MEGF11: variants seen among roughly 807,000 people sequenced by gnomAD.
MEGF11 encodes the protein multiple EGF like domains 11.
MEGF11 carries 126 observed loss-of-function variants against 146.6 expected under a neutral mutation model. That is an observed-to-expected ratio of 0.86 (90% CI 0.74 to 1.00). The LOEUF (loss-of-function observed/expected upper bound fraction) is 1.00. MEGF11 is among the 50% of genes least tolerant of loss of function. The pLI is 0.00. For synonymous variants in MEGF11, 532 were observed against 583.4 expected (o/e 0.91, Z 1.27); for missense variants, 1,509 against 1,521.2 (o/e 0.99, Z 0.13).
chr15:66,128,439 T>A (rs1170761869), intron 1 of MEGF11, 28 bp from the exon 2 acceptor site: 7 of 1,344,686 alleles, frequency 5.2e-6, no homozygotes, highest in Non-Finnish European at 6.9e-6. Flanking sequence ...GGAGGCTGCG[T>A]CTGTGATCAG....
chr15:66,251,960 G>A (rs2092377126), intron 1 of MEGF11, among the ~76,000 whole-genome samples: 1 of 152,238 alleles, frequency 6.6e-6, no homozygotes, highest in Non-Finnish European at 1.5e-5. Context: ...CGCCCTCGGG[G>A]CACCCCGCCC....
chr15:66,041,943 T>C (rs947667547), intron 5 of MEGF11, among the ~76,000 whole-genome samples: 1 of 152,024 alleles, frequency 6.6e-6, no homozygotes, highest in African/African-American at 2.4e-5. Flanking sequence ...AAAAACCAAA[T>C]CATCCTGCCT....
intron 5 of MEGF11, among the ~76,000 whole-genome samples, chr15:66,052,022 G>C (rs2084467327): frequency 6.6e-6 from 1 of 152,178 alleles, no homozygotes; most frequent in African/African-American, 2.4e-5. Flanking sequence ...CACAAAAATA[G>C]ATTTGGAGAA....
At chr15:66,002,068 T>C (rs1210012144) in intron 5 of MEGF11, among the ~76,000 whole-genome samples, 1 of 151,924 alleles carries the variant, frequency 6.6e-6, no homozygotes, top group African/African-American at 2.4e-5. Flanking sequence ...AGGAAGTTGT[T>C]GGGGATTGGG....
intron 5 of MEGF11, among the ~76,000 whole-genome samples, chr15:66,063,556 C>T (rs1365713275): frequency 6.6e-6 from 1 of 152,204 alleles, no homozygotes; most frequent in Non-Finnish European, 1.5e-5. Context: ...AACCATGCTG[C>T]AGGAGCACCT....
At chr15:66,165,360 G>C (rs1054194882) in intron 1 of MEGF11, among the ~76,000 whole-genome samples, 2 of 152,296 alleles carry the variant, frequency 1.3e-5, no homozygotes, top group Non-Finnish European at 2.9e-5. Flanking sequence ...TACACATGAA[G>C]TCCCTGATAT....
chr15:66,044,875 A>AAAG (rs1567215919), intron 5 of MEGF11, among the ~76,000 whole-genome samples: 1 of 134,586 alleles, frequency 7.4e-6, no homozygotes, highest in Non-Finnish European at 1.6e-5. Context: ...AAAAAAAAAA[A>AAAG]AAAAAGAAAT....
intron 3 of MEGF11, among the ~76,000 whole-genome samples, chr15:66,121,675 G>A (rs1365203461): frequency 2.0e-5 from 3 of 152,250 alleles, no homozygotes; most frequent in Non-Finnish European, 4.4e-5. Flanking sequence ...CAGGTGAAAG[G>A]GGAAACCTTA....
intron 5 of MEGF11, among the ~76,000 whole-genome samples, chr15:66,087,640 C>T (rs1382197085): frequency 6.6e-6 from 1 of 152,118 alleles, no homozygotes; most frequent in Non-Finnish European, 1.5e-5. Flanking sequence ...ATGACACAAC[C>T]TATCAAAACC....
chr15:66,237,759 G>A (rs1195732479), intron 1 of MEGF11, among the ~76,000 whole-genome samples: 2 of 152,280 alleles, frequency 1.3e-5, no homozygotes, highest in East Asian at 3.9e-4. Context: ...TGCCTCCACC[G>A]CCCCTTCCCA....
At chr15:66,228,787 A>G (rs899923555) in intron 1 of MEGF11, among the ~76,000 whole-genome samples, 74 of 152,112 alleles carry the variant, frequency 4.9e-4, no homozygotes, top group African/African-American at 1.7e-3. Context: ...GCTTTATGAG[A>G]GGAGGCCCCC....
intron 1 of MEGF11, among the ~76,000 whole-genome samples, chr15:66,252,813 A>G (rs2092394806): frequency 6.6e-6 from 1 of 152,158 alleles, no homozygotes; most frequent in Admixed American, 6.5e-5. Flanking sequence ...CACCTCCAAC[A>G]CTACCGCCCA....
intron 5 of MEGF11, among the ~76,000 whole-genome samples, chr15:66,060,506 T>C (rs1487560806): frequency 6.6e-6 from 1 of 152,234 alleles, no homozygotes; most frequent in Non-Finnish European, 1.5e-5. Flanking sequence ...CCGAGGGATG[T>C]AGCCTTCTCC....
chr15:65,922,140 G>C (rs904898666), intron 15 of MEGF11, 198 bp downstream of exon 15: 3 of 613,124 alleles, frequency 4.9e-6, no homozygotes, highest in Admixed American at 6.8e-5. Context: ...TTTCACTTCT[G>C]TGAGGCTGTT....
rs1383695790 is a variant in MEGF11 at position 65,956,977 on chromosome 15, A to AT, written c.1287+569dup. Among the ~76,000 whole-genome samples the AT allele has an allele frequency of 4.6e-5, 7 of 152,316 alleles. No individual in the cohort carries two copies. The East Asian group carries it at 1.3e-3, about 29-fold the overall frequency. On this transcript the variant is annotated intron_variant, in intron 10 of 25. Coordinates refer to ENST00000395614, the MANE Select transcript of MEGF11 (RefSeq NM_001385028.1). ...AACATCCATCAAGAGCCGTAAATAT[A>AT]TTATGCCCACTGACCCTGGGAATTC...
rs1412353042 is a variant in MEGF11 at position 65,898,827 on chromosome 15, C to T, written c.3163G>A (p.Glu1055Lys). ...DPPILTCKLPESSYVEMKSPV... is the reference protein window; with the variant it reads ...DPPILTCKLPKSSYVEMKSPV... ...GACTTCATTTCTACATAGCTGCTTTCTGGAAGCTTGCAGGTGAGGATGGGT... is the reference window on the plus strand; with the variant it reads ...GACTTCATTTCTACATAGCTGCTTTTTGGAAGCTTGCAGGTGAGGATGGGT... The change falls in exon 25 of 26, where the codon GAA becomes AAA. Residue 1055 changes from glutamate (E) to lysine (K), a missense_variant. By Grantham distance (56) the Glu-to-Lys change is moderately conservative (BLOSUM62 1). Transcript: ENST00000395614. The T allele has an allele frequency of 6.2e-7, 1 of 1,613,988 alleles. No homozygotes were observed. The highest frequency in any genetic ancestry group is 1.1e-5 in the South Asian group (1 of 91,082).
chr15:66,020,171 A>T (rs908800463), intron 5 of MEGF11, among the ~76,000 whole-genome samples: 1 of 152,260 alleles, frequency 6.6e-6, no homozygotes, highest in African/African-American at 2.4e-5. Context: ...TCCTGGTCGC[A>T]GCGATTGGTT....
At chr15:65,974,853 C>CTT (rs11453003) in intron 7 of MEGF11, among the ~76,000 whole-genome samples, 29 of 149,966 alleles carry the variant, frequency 1.9e-4, no homozygotes, top group South Asian at 6.4e-4. Flanking sequence ...GAAAAACTTT[C>CTT]TTTTTTTTTG....
chr15:65,922,797 C>T (rs781539679), intron 14 of MEGF11, 26 bp downstream of exon 14: 2 of 1,612,656 alleles, frequency 1.2e-6, no homozygotes, highest in Non-Finnish European at 1.7e-6. Context: ...CCTCTGAGCT[C>T]TTCGGGGTCA....
Sources: gnomAD v4.1 joint callset for allele counts (sites outside exome capture counted in the v4.1 genomes callset) on GRCh38, gnomAD v4.1.1 for gene constraint, MANE v1.5 for transcripts, NCBI Gene and HGNC (gene_info 2026-07-23, HGNC 2026-07-21) for gene names.